The following SHOC1 variants were observed in gnomAD, a reference collection of about 807,000 sequenced individuals.
SHOC1 encodes the protein protein shortage in chiasmata 1 ortholog.
Under a neutral mutation model 179.2 loss-of-function variants are expected in SHOC1, and 136 were observed. The observed-to-expected ratio is 0.76, with a 90% CI of 0.66 to 0.87. The LOEUF is 0.87. Among genes scored for constraint, SHOC1 ranks in the 40% least tolerant of loss-of-function variants. The probability of loss-of-function intolerance (pLI) is 0.00; values close to 1 mark genes in which losing one functional copy is unlikely to be tolerated. For missense variants in SHOC1, 1,538 were observed against 1,700.8 expected (o/e 0.90, Z 1.68); for synonymous variants, 489 against 586.6 (o/e 0.83, Z 2.41).
chr9:111,709,556 A>G (rs1832439108), intron 18 of SHOC1, among the ~76,000 whole-genome samples: 1 of 152,190 alleles, frequency 6.6e-6, no homozygotes, highest in East Asian at 1.9e-4. Context: ...AAGAGTAAAA[A>G]CATCTTCCAG....
At position 111,748,164 on chromosome 9, in the gene SHOC1, C is replaced by A; in HGVS notation, c.898G>T (p.Asp300Tyr). 6.2e-7 allele frequency: 1 copy of A among 1,613,582 alleles called. No individual in the cohort carries two copies. Among genetic ancestry groups the A allele is most frequent in the Non-Finnish European group, 8.5e-7 (1 of 1,179,724 alleles). The change falls in exon 9 of 28, where the codon GAT (aspartate) becomes TAT (tyrosine). Residue 300 changes from aspartate to tyrosine, a missense_variant. Asp to Tyr is a radical substitution (Grantham distance 160). Coordinates refer to ENST00000682961, the MANE Select transcript of SHOC1 (RefSeq NM_001378211.1). ...TNKHGIEDIG[D>Y]IKFSSTEILT... ...ATCTCTGTGGAGCTGAATTTTATATCCCCGATATCCTCAATTCCATGCTTG... is the reference window on the plus strand; with the variant it reads ...ATCTCTGTGGAGCTGAATTTTATATACCCGATATCCTCAATTCCATGCTTG...
chr9:111,788,950 C>A (rs546938315), intron 2 of SHOC1, among the ~76,000 whole-genome samples: 12 of 152,120 alleles, frequency 7.9e-5, no homozygotes, highest in African/African-American at 2.9e-4. Context: ...AGTGGTCACT[C>A]GCTGGTTAAC....
intron 1 of SHOC1, among the ~76,000 whole-genome samples, chr9:111,794,302 C>T (rs752438149): frequency 9.9e-5 from 15 of 151,342 alleles, no homozygotes; most frequent in East Asian, 3.9e-4. Context: ...TAATAAGATC[C>T]GCCGGAAGTG....
In SHOC1 at chr9:111,756,435, C is replaced by A. The variant is rs780657772; in HGVS notation, c.752G>T (p.Ser251Ile). The A allele has an allele frequency of 3.7e-6, 6 of 1,611,138 alleles. No individual in the cohort carries two copies. Among genetic ancestry groups the A allele is most frequent in the Non-Finnish European group, 5.1e-6 (6 of 1,179,062 alleles). Residue 251 changes from serine to isoleucine, a missense_variant, in exon 8 of 28, where the codon AGC becomes ATC. Ser to Ile is a moderately radical substitution (Grantham distance 142). Coordinates refer to ENST00000682961, the MANE Select transcript of SHOC1 (RefSeq NM_001378211.1). The stretch of plus-strand genomic sequence containing the variant: ...TGGAATATCAATTTCTGGTTTGAGG[C>A]TTGGAGGTATTAAGAATTCATACTC... Reference protein sequence around the residue: ...LIEYEFLIPPSLKPEIDIPSL... With the variant: ...LIEYEFLIPPILKPEIDIPSL...
At chr9:111,696,786 G>GA (rs1243791741) in intron 24 of SHOC1, among the ~76,000 whole-genome samples, 1 of 152,180 alleles carries the variant, frequency 6.6e-6, no homozygotes, top group Non-Finnish European at 1.5e-5. Context: ...CCTGAGCTGG[G>GA]AAGAGAAGAA....
intron 5 of SHOC1, among the ~76,000 whole-genome samples, chr9:111,766,071 C>G (rs980055858): frequency 6.6e-6 from 1 of 152,112 alleles, no homozygotes; most frequent in African/African-American, 2.4e-5. Context: ...CTACCCTTCC[C>G]TGCCTCTGGT....
At chr9:111,718,973 T>G (rs904482363) in intron 15 of SHOC1, among the ~76,000 whole-genome samples, 2 of 152,156 alleles carry the variant, frequency 1.3e-5, no homozygotes, top group African/African-American at 4.8e-5. Flanking sequence ...TATTGAGATC[T>G]CATGAAATTT....
chr9:111,791,964 C>T (rs1836463759), intron 1 of SHOC1, among the ~76,000 whole-genome samples: 1 of 151,982 alleles, frequency 6.6e-6, no homozygotes, highest in South Asian at 2.1e-4. Context: ...ATTGGGTAAC[C>T]AAGGGCAGAA....
In SHOC1 at chr9:111,713,094, G is replaced by A. The variant is rs140181770; in HGVS notation, c.2488+6C>T. On this transcript the variant is annotated splice_donor_region_variant and intron_variant, in intron 18 of 27. Coordinates refer to ENST00000682961, the MANE Select transcript of SHOC1 (RefSeq NM_001378211.1). ...ATCAAATGAAGCATAATTTAAAACT[G>A]CCTACCTTCTATTTTGTTAAGAATT... 3 of 1,530,100 alleles carry A rather than the reference G, an allele frequency of 2.0e-6. No homozygotes were observed. Among genetic ancestry groups the A allele is most frequent in the Non-Finnish European group, 2.7e-6 (3 of 1,110,860 alleles). 94.8% of individuals were successfully genotyped at this position (1,530,100 alleles called of 1,614,324 possible).
Position 111,751,190 on chromosome 9 carries a change from C to G in SHOC1, c.863-2991G>C, listed in dbSNP as rs113079960. Among the ~76,000 whole-genome samples, 527 of 152,210 alleles carry G rather than the reference C, an allele frequency of 3.5e-3. 2 individuals carry two copies. The highest frequency in any genetic ancestry group is 0.012 in the African/African-American group (492 of 41,530). On this transcript the variant is annotated intron_variant, in intron 8 of 27. Coordinates refer to ENST00000682961, the MANE Select transcript of SHOC1 (RefSeq NM_001378211.1). ...TCTTATTTGAGTTCTCTATTCTGTT[C>G]CATTGGTCTATGTGTCTGTTCTTGT...
chr9:111,749,939 GT>G, intron 8 of SHOC1, among the ~76,000 whole-genome samples: 1 of 152,178 alleles, frequency 6.6e-6, no homozygotes, highest in Non-Finnish European at 1.5e-5. Context: ...GGGCATTTAG[GT>G]TGGTTCCATG....
At chr9:111,761,131 T>C (rs1470325963) in intron 5 of SHOC1, among the ~76,000 whole-genome samples, 2 of 152,146 alleles carry the variant, frequency 1.3e-5, no homozygotes, top group Non-Finnish European at 2.9e-5. Flanking sequence ...ATAAATGATA[T>C]TGGGGCAATT....
At chr9:111,702,637 A>G (rs1312510006) in intron 22 of SHOC1, among the ~76,000 whole-genome samples, 1 of 152,242 alleles carries the variant, frequency 6.6e-6, no homozygotes, top group Non-Finnish European at 1.5e-5. Context: ...AAAACCTATG[A>G]GATGATGTGC....
chr9:111,723,381 C>T (rs1040523397), intron 14 of SHOC1, among the ~76,000 whole-genome samples: 9 of 152,162 alleles, frequency 5.9e-5, no homozygotes, highest in Non-Finnish European at 1.5e-5. Flanking sequence ...TCAAAGAATA[C>T]TCTTCTTTAT....
intron 8 of SHOC1, among the ~76,000 whole-genome samples, chr9:111,756,028 G>A (rs989976315): frequency 6.6e-5 from 10 of 151,956 alleles, no homozygotes; most frequent in African/African-American, 1.2e-4. Flanking sequence ...AGGCTGAGGT[G>A]GGAGAATCGC....
At position 111,774,595 on chromosome 9, in the gene SHOC1, A is replaced by T. The variant is rs58712700; in HGVS notation, c.442+1196T>A. 5.0e-3 allele frequency among the ~76,000 whole-genome samples: 767 copies of T among 152,228 alleles called. 5 individuals are homozygous for T. Among genetic ancestry groups the T allele is most frequent in the African/African-American group, 0.017 (722 of 41,532 alleles). On this transcript the variant is annotated intron_variant, in intron 5 of 27. Coordinates refer to ENST00000682961, the MANE Select transcript of SHOC1 (RefSeq NM_001378211.1). ...GAAAATTCAAGTCTTCTGACTCCAA[A>T]TTCAGGCTCTTTCTACTATATCATG...
intron 1 of SHOC1, among the ~76,000 whole-genome samples, chr9:111,791,715 C>A (rs1240373166): frequency 2.0e-5 from 3 of 151,974 alleles, no homozygotes; most frequent in African/African-American, 7.3e-5. Context: ...CATTTTGTTG[C>A]AAAAGAGGTT....
At chr9:111,738,699 A>G (rs1833913062) in intron 11 of SHOC1, among the ~76,000 whole-genome samples, 177 bp from the exon 12 acceptor site, 1 of 152,176 alleles carries the variant, frequency 6.6e-6, no homozygotes. Context: ...ATATTTGTAA[A>G]AGTTTAAGCT....
intron 12 of SHOC1, among the ~76,000 whole-genome samples, chr9:111,737,688 A>C (rs944641693): frequency 1.4e-4 from 20 of 147,796 alleles, no homozygotes; most frequent in Middle Eastern, 3.5e-3. Context: ...ATAAAAACAA[A>C]CCCCCCCCCC....
Sources: allele counts gnomAD v4.1 joint callset (sites outside exome capture counted in the v4.1 genomes callset), GRCh38; gene constraint gnomAD v4.1.1; transcripts MANE v1.5; gene names NCBI Gene and HGNC (gene_info 2026-07-23, HGNC 2026-07-21).